Variants in BDH1 observed in about 807,000 individuals in gnomAD.
BDH1 encodes the protein D-beta-hydroxybutyrate dehydrogenase, mitochondrial.
In BDH1, 30 loss-of-function variants were observed where a neutral mutation model predicts 33.1. That is an observed-to-expected ratio of 0.91 (90% CI 0.68 to 1.23). BDH1 has a LOEUF of 1.23. Ranked by LOEUF, BDH1 falls within the 50% of genes most tolerant of loss-of-function variation. The pLI is 0.00. For missense variants in BDH1, 443 were observed against 464.4 expected, an observed-to-expected ratio of 0.95 and a Z score of 0.42; for synonymous variants, 190 against 183.6, an observed-to-expected ratio of 1.03 and a Z score of -0.28.
At chr3:197,530,597 A>G (rs1714554919) in intron 5 of BDH1, 1 of 152,430 alleles carries the variant, frequency 6.6e-6, no homozygotes, top group Non-Finnish European at 1.5e-5. Context: ...AAAAAAAAAA[A>G]GATAACCCCC....
In BDH1 at chr3:197,561,557, G is replaced by A. The variant is rs116272404; in HGVS notation, c.-44+11624C>T. Among the ~76,000 whole-genome samples, 654 of 152,148 alleles carry A rather than the reference G, an allele frequency of 4.3e-3. 5 individuals carry two copies. Among genetic ancestry groups the A allele is most frequent in the African/African-American group, 0.014 (600 of 41,486 alleles). ...AGTAGCTGAGTTGGGTTTTTGTCTTGGCTAAAGTTTAACAACCAGCTGGTC... is the reference window on the plus strand; with the variant it reads ...AGTAGCTGAGTTGGGTTTTTGTCTTAGCTAAAGTTTAACAACCAGCTGGTC... On this transcript the variant is annotated intron_variant, in intron 1 of 6. Transcript: ENST00000358186.
At chr3:197,545,020 C>G (rs909806899) in intron 3 of BDH1, among the ~76,000 whole-genome samples, 1 of 152,166 alleles carries the variant, frequency 6.6e-6, no homozygotes, top group Non-Finnish European at 1.5e-5. Context: ...ATTGCCTGGG[C>G]AACAGAGTCT....
chr3:197,537,274 C>A (rs1011794151), intron 3 of BDH1, among the ~76,000 whole-genome samples: 1 of 152,242 alleles, frequency 6.6e-6, no homozygotes, highest in Non-Finnish European at 1.5e-5. Context: ...CAGGCATGAA[C>A]TACCACATCC....
chr3:197,539,919 A>G (rs13093836), intron 3 of BDH1, among the ~76,000 whole-genome samples: 22,795 of 151,988 alleles, frequency 0.15, 2,092 homozygotes, highest in African/African-American at 0.25. Flanking sequence ...TGCGTGAATT[A>G]CTCTTTGTCT....
chr3:197,515,732 A>ATCAC, intron 6 of BDH1: 1 of 984,664 alleles, frequency 1.0e-6, no homozygotes, highest in South Asian at 4.7e-5. Context: ...GGCTTCCAAG[A>ATCAC]ACTCTATCCT....
At position 197,521,730 on chromosome 3, in the gene BDH1, G is replaced by A. The variant is rs1421519944; in HGVS notation, c.409+910C>T. Among the ~76,000 whole-genome samples the A allele has an allele frequency of 6.6e-6, 1 of 152,112 alleles. No individual in the cohort carries two copies. Among genetic ancestry groups the A allele is most frequent in the African/African-American group, 2.4e-5 (1 of 41,428 alleles). ...CTCATCCCCACATCCAAGTCACCAA[G>A]TCCAGGCAGCTTCGCCTTCTCAACA... On this transcript the variant is annotated intron_variant, in intron 6 of 7. Coordinates refer to ENST00000392379, the MANE Select transcript of BDH1 (RefSeq NM_203314.3). This position sits in a 1 kb window ranked among gnomAD's most constrained non-coding sequence, Gnocchi z 4.9.
chr3:197,549,529 G>A lies in BDH1; in HGVS notation c.-43-3043C>T, dbSNP rs142843571. On this transcript the variant is annotated intron_variant, in intron 2 of 7. Coordinates refer to ENST00000392379, the MANE Select transcript of BDH1 (RefSeq NM_203314.3). ...CATTCTCAGCAGAGGCAAGGTATCC[G>A]CAGCAAACCGGGTCACACAAGGCAG... Among the ~76,000 whole-genome samples the A allele has an allele frequency of 7.6e-4, 116 of 152,292 alleles. No individual in the cohort carries two copies. The Middle Eastern group carries it at 0.02, about 27-fold the overall frequency.
intron 3 of BDH1, among the ~76,000 whole-genome samples, chr3:197,537,817 T>C (rs1235405872): frequency 1.3e-5 from 2 of 152,226 alleles, no homozygotes; most frequent in Non-Finnish European, 2.9e-5. Context: ...GAGATTAATT[T>C]TCAAATAATG....
In BDH1 at chr3:197,548,124, C is replaced by T. The variant is rs940923605; in HGVS notation, c.-43-1638G>A. Among the ~76,000 whole-genome samples, 8 of 152,234 alleles carry T rather than the reference C, an allele frequency of 5.3e-5. No homozygotes were observed. In the East Asian group the frequency reaches 9.6e-4, roughly 18 times the overall value. On this transcript the variant is annotated intron_variant, in intron 2 of 7. Coordinates refer to ENST00000392379, the MANE Select transcript of BDH1 (RefSeq NM_203314.3). ...AGTGGATGGGAGCTGAGCGGGCTCC[C>T]GCAGGGCAGTCTGGGGGTGGAAAGT...
chr3:197,558,694 G>A (rs529335566), upstream of BDH1, among the ~76,000 whole-genome samples: 11 of 152,296 alleles, frequency 7.2e-5, no homozygotes, highest in Middle Eastern at 3.4e-3. Context: ...ATCAGACCCC[G>A]CATGGGAGCT....
In BDH1 at chr3:197,546,431, G is replaced by T; in HGVS notation, c.13C>A (p.Arg5Ser). 1.9e-6 allele frequency: 3 copies of T among 1,614,082 alleles called. No homozygotes were observed. The highest frequency in any genetic ancestry group is 2.5e-6 in the Non-Finnish European group (3 of 1,179,998). ...AGCCGTGACAGGGGTCTGGAGAGGC[G>T]GGTGGCCAGCATGGTAGCAACGGGT... The part of the protein sequence containing the change: MLAT[R>S]LSRPLSRLPG... The change falls in exon 3 of 8, where the codon CGC becomes AGC. Residue 5 changes from arginine (R) to serine (S), a missense_variant. Arg to Ser is a moderately radical substitution (Grantham distance 110). Coordinates refer to ENST00000392379, the MANE Select transcript of BDH1 (RefSeq NM_203314.3).
intron 3 of BDH1, among the ~76,000 whole-genome samples, chr3:197,537,745 C>T (rs755320793): frequency 1.3e-5 from 2 of 152,168 alleles, no homozygotes; most frequent in Non-Finnish European, 2.9e-5. Flanking sequence ...AATTTTGCAT[C>T]TTCTGCATTG....
At chr3:197,564,862 T>C (rs1717382391) in intron 1 of BDH1, among the ~76,000 whole-genome samples, 1 of 152,244 alleles carries the variant, frequency 6.6e-6, no homozygotes, top group African/African-American at 2.4e-5. Context: ...TAAAATTTTA[T>C]AGATTGTTTA....
chr3:197,514,784 C>T lies in BDH1; in HGVS notation c.410-368G>A, dbSNP rs1343054697. Among the ~76,000 whole-genome samples the T allele has an allele frequency of 2.0e-5, 3 of 152,208 alleles. No individual in the cohort carries two copies. The highest frequency in any genetic ancestry group is 6.5e-5 in the Admixed American group (1 of 15,276). On this transcript the variant is annotated intron_variant, in intron 6 of 7. Coordinates refer to ENST00000392379, the MANE Select transcript of BDH1 (RefSeq NM_203314.3). The surrounding 1 kb of genome is among the most constrained non-coding windows in gnomAD (Gnocchi z 4.2). ...CCCCACACCCTGAGTTTGAGTTTCA[C>T]GCCCCGTTCCTGTTTACTCATCTCT...
intron 1 of BDH1, chr3:197,555,451 G>C (rs897049381): frequency 6.6e-6 from 1 of 152,352 alleles, no homozygotes; most frequent in African/African-American, 2.4e-5. Context: ...AGGAAACGAT[G>C]AGTCGTTTCA....
chr3:197,555,496 GCCT>G (rs943814396), intron 1 of BDH1: 1 of 152,260 alleles, frequency 6.6e-6, no homozygotes, highest in African/African-American at 2.4e-5. Flanking sequence ...TTAACCCAGG[GCCT>G]CCTCCTGCCT....
rs772043785 is a variant in BDH1 at position 197,514,735 on chromosome 3, C to G, written c.410-319G>C. ...CTCACCTCACCTCAAATTCCCACTTCCACTCCACTCCACCCCATCCCATCC... is the reference window on the plus strand; with the variant it reads ...CTCACCTCACCTCAAATTCCCACTTGCACTCCACTCCACCCCATCCCATCC... On this transcript the variant is annotated intron_variant, in intron 6 of 7. Coordinates refer to ENST00000392379, the MANE Select transcript of BDH1 (RefSeq NM_203314.3). This position sits in a 1 kb window ranked among gnomAD's most constrained non-coding sequence, Gnocchi z 4.2. 3.9e-5 allele frequency among the ~76,000 whole-genome samples: 6 copies of G among 152,168 alleles called. No individual in the cohort carries two copies. Among genetic ancestry groups the G allele is most frequent in the Admixed American group, 6.5e-5 (1 of 15,276 alleles).
chr3:197,565,890 T>C (rs963573716), intron 1 of BDH1, among the ~76,000 whole-genome samples: 2 of 152,346 alleles, frequency 1.3e-5, no homozygotes, highest in Admixed American at 1.3e-4. Flanking sequence ...AGGACTCTCA[T>C]GGAGAACTGA....
rs967001817 is a variant in BDH1, at chr3:197,554,867, G to C, written c.-195-154C>G. Among the ~76,000 whole-genome samples the C allele has an allele frequency of 6.6e-6, 1 of 152,248 alleles. No individual in the cohort carries two copies. The highest frequency in any genetic ancestry group is 1.5e-5 in the Non-Finnish European group (1 of 68,048). ...CGACCGGAGCGCTCAAACCCACAGGGTATCTATCAGGCGCGCGTCAGCACG... is the reference window on the plus strand; with the variant it reads ...CGACCGGAGCGCTCAAACCCACAGGCTATCTATCAGGCGCGCGTCAGCACG... On this transcript the variant is annotated intron_variant, in intron 1 of 7. Transcript: ENST00000392379. The surrounding 1 kb of genome is among the most constrained non-coding windows in gnomAD (Gnocchi z 4.4).
Sources: allele counts gnomAD v4.1 joint callset (sites outside exome capture counted in the v4.1 genomes callset), GRCh38; gene constraint gnomAD v4.1.1; non-coding constraint Gnocchi (gnomAD v3.1); transcripts MANE v1.5; gene names NCBI Gene and HGNC (gene_info 2026-07-23, HGNC 2026-07-21).